The following UFD1 variants were observed in gnomAD, a reference collection of about 807,000 sequenced individuals.
UFD1 encodes the protein ubiquitin recognition factor in ER-associated degradation protein 1.
A neutral mutation model predicts 45.9 loss-of-function variants in UFD1; 13 were observed. That is an observed-to-expected ratio of 0.28 (90% CI 0.18 to 0.45). The LOEUF (loss-of-function observed/expected upper bound fraction) is 0.45. Among genes scored for constraint, UFD1 ranks in the 20% least tolerant of loss-of-function variants. UFD1 has a pLI of 1.00. For missense variants in UFD1, 218 were observed against 389.2 expected, an observed-to-expected ratio of 0.56 and a Z score of 3.70; for synonymous variants, 128 against 139.2, an observed-to-expected ratio of 0.92 and a Z score of 0.56.
chr22:19,473,065 C>T (rs113734080), intron 3 of UFD1, among the ~76,000 whole-genome samples: 2,045 of 152,238 alleles, frequency 0.013, 28 homozygotes, highest in African/African-American at 0.033. Context: ...GTGGGCACTC[C>T]CTCCTATCAC....
In UFD1 at chr22:19,473,280, G is replaced by A. The variant is rs368548668; in HGVS notation, c.170-1472C>T. 1.2e-4 allele frequency among the ~76,000 whole-genome samples: 18 copies of A among 152,310 alleles called. No individual in the cohort carries two copies. The East Asian group carries it at 1.5e-3, about 13-fold the overall frequency. The stretch of plus-strand genomic sequence containing the variant: ...TCAAACTGCATTTTGTGACTTAGAG[G>A]CTCCCAGTGCCCTGGGGCTCCCAGT... On this transcript the variant is annotated intron_variant, in intron 3 of 11. Coordinates refer to ENST00000263202, the MANE Select transcript of UFD1 (RefSeq NM_005659.7).
At chr22:19,465,564 G>A in intron 5 of UFD1, 1 of 389,396 alleles carries the variant, frequency 2.6e-6, no homozygotes, top group South Asian at 2.6e-5. Flanking sequence ...CCCTGAGAAA[G>A]ACAGATCTAT....
chr22:19,476,646 G>A (rs1437735930), intron 1 of UFD1, among the ~76,000 whole-genome samples: 1 of 143,302 alleles, frequency 7.0e-6, no homozygotes, highest in Non-Finnish European at 1.5e-5. Context: ...AGATAATACT[G>A]AAATCTATAC....
chr22:19,463,446 TG>T (rs1277073112), intron 6 of UFD1, among the ~76,000 whole-genome samples: 1 of 152,278 alleles, frequency 6.6e-6, no homozygotes, highest in Non-Finnish European at 1.5e-5. Context: ...ATTTTACATT[TG>T]TATCTAGAAA....
Position 19,468,533 on chromosome 22 carries a change from C to T in UFD1, c.292-530G>A, listed in dbSNP as rs1231440725. ...ACATGTCTCTATTAAACAACCCAGC[C>T]AGGTAGACGACGGCTGAGAAGTGAG... On this transcript the variant is annotated intron_variant, in intron 4 of 11. Coordinates refer to ENST00000263202, the MANE Select transcript of UFD1 (RefSeq NM_005659.7). Among the ~76,000 whole-genome samples, 4 of 152,174 alleles carry T rather than the reference C, an allele frequency of 2.6e-5. No homozygotes were observed. In the East Asian group the frequency reaches 7.7e-4, roughly 29 times the overall value.
At chr22:19,473,507 C>T (rs1354582568) in intron 3 of UFD1, among the ~76,000 whole-genome samples, 2 of 152,218 alleles carry the variant, frequency 1.3e-5, no homozygotes, top group Non-Finnish European at 2.9e-5. Context: ...TGGTGTCTGG[C>T]TCCTGGGTCA....
At chr22:19,465,601 C>T (rs550225785) in intron 5 of UFD1, 53 of 304,218 alleles carry the variant, frequency 1.7e-4, no homozygotes, top group Admixed American at 1.6e-3. Flanking sequence ...TGAGAGGTTT[C>T]TGGGCCAGGG....
At chr22:19,450,846 A>G (rs1478000200) in intron 11 of UFD1, 102 bp from the exon 12 acceptor site, 3 of 1,587,606 alleles carry the variant, frequency 1.9e-6, no homozygotes, top group Admixed American at 1.7e-5. Context: ...CTCATAAGAA[A>G]TATCTCAGGC....
intron 6 of UFD1, 147 bp downstream of exon 6, chr22:19,465,055 C>A (rs562811949): frequency 2.0e-5 from 14 of 707,762 alleles, no homozygotes; most frequent in African/African-American, 1.8e-4. Context: ...TAAATATGAA[C>A]CCGGGAAAAC....
At chr22:19,478,973 C>T (rs980296774) in intron 1 of UFD1, 110 bp downstream of exon 1, 14 of 1,445,280 alleles carry the variant, frequency 9.7e-6, no homozygotes, top group Non-Finnish European at 1.3e-5. Flanking sequence ...GGACTCAGGC[C>T]CGGGTGACTC....
At chr22:19,457,762 G>T (rs2089734124) in intron 7 of UFD1, among the ~76,000 whole-genome samples, 1 of 151,976 alleles carries the variant, frequency 6.6e-6, no homozygotes, top group Non-Finnish European at 1.5e-5. Flanking sequence ...AGTGAGCCAA[G>T]ATCGCACCAC....
At chr22:19,459,422 T>G (rs532967950) in intron 6 of UFD1, among the ~76,000 whole-genome samples, 10 of 152,202 alleles carry the variant, frequency 6.6e-5, no homozygotes, top group South Asian at 4.1e-4. Flanking sequence ...AGACCATCCT[T>G]GCTAACATGG....
chr22:19,465,274 T>A lies in UFD1; in HGVS notation c.423A>T (p.Val141=). ...DFLDITNPKA[V]LENALRNFAC... ...CAAAGTTCCTAAGTGCGTTTTCTAATCTGCAGACACATTCTGTCAAGGCAA... is the reference window on the plus strand; with the variant it reads ...CAAAGTTCCTAAGTGCGTTTTCTAAACTGCAGACACATTCTGTCAAGGCAA... The change falls in exon 6 of 12, where the codon GTA becomes GTT. Residue 141 remains valine, a splice_region_variant and synonymous_variant. Transcript: ENST00000263202. 6.2e-7 allele frequency: 1 copy of A among 1,614,120 alleles called. No individual in the cohort carries two copies. The highest frequency in any genetic ancestry group is 8.5e-7 in the Non-Finnish European group (1 of 1,179,958).
chr22:19,459,684 C>CTT lies in UFD1; in HGVS notation c.496-1547_496-1546dup, dbSNP rs1416417385. On this transcript the variant is annotated intron_variant, in intron 6 of 11. Transcript: ENST00000263202. Reference sequence around the variant, plus strand: ...TAGAAATTAAAAGTGGCCCTATCTACTTTTTCCTGCATCATTTCAGGTTCT... The same window carrying CTT: ...TAGAAATTAAAAGTGGCCCTATCTACTTTTTTTCCTGCATCATTTCAGGTTCT... 4.0e-5 allele frequency among the ~76,000 whole-genome samples: 6 copies of CTT among 149,774 alleles called. 1 individual carries two copies. Among genetic ancestry groups the CTT allele is most frequent in the Admixed American group, 1.3e-4 (2 of 15,024 alleles).
chr22:19,468,755 T>C (rs974676657), intron 4 of UFD1, among the ~76,000 whole-genome samples: 1 of 152,182 alleles, frequency 6.6e-6, no homozygotes, highest in Non-Finnish European at 1.5e-5. Flanking sequence ...AGTTGGACAG[T>C]GCTCACGTCG....
At chr22:19,470,680 G>C (rs1459488451) in intron 4 of UFD1, 1 of 451,348 alleles carries the variant, frequency 2.2e-6, no homozygotes, top group Non-Finnish European at 4.4e-6. Flanking sequence ...GACCTCAAGT[G>C]ATCTGCCCAC....
At chr22:19,450,978 A>G (rs1048786095) in intron 11 of UFD1, 1 of 1,196,660 alleles carries the variant, frequency 8.4e-7, no homozygotes, top group South Asian at 1.7e-5. Context: ...TCTACCAAAA[A>G]TAGCTCAGTG....
chr22:19,478,363 G>A (rs185609923), intron 1 of UFD1, among the ~76,000 whole-genome samples: 17 of 152,314 alleles, frequency 1.1e-4, no homozygotes, highest in Non-Finnish European at 5.9e-5. Context: ...CAATACCGTA[G>A]AGTGCTTTGC....
intron 3 of UFD1, among the ~76,000 whole-genome samples, chr22:19,472,372 C>G (rs1257406333): frequency 6.6e-6 from 1 of 152,138 alleles, no homozygotes; most frequent in Non-Finnish European, 1.5e-5. Flanking sequence ...AGGCTGGGGA[C>G]AGGTGTGCGA....
Sources: gnomAD v4.1 joint callset for allele counts (sites outside exome capture counted in the v4.1 genomes callset) on GRCh38, gnomAD v4.1.1 for gene constraint, MANE v1.5 for transcripts, NCBI Gene and HGNC (gene_info 2026-07-23, HGNC 2026-07-21) for gene names.